KIAA2012: variants seen among roughly 807,000 people sequenced by gnomAD.
KIAA2012 encodes the protein uncharacterized protein KIAA2012.
KIAA2012 carries 125 observed loss-of-function variants against 150.6 expected under a neutral mutation model. The ratio of observed to expected loss-of-function variants is 0.83; its 90% CI spans 0.72 to 0.96. The LOEUF is 0.96. Among genes scored for constraint, KIAA2012 ranks in the 40% least tolerant of loss-of-function variants. The pLI is 0.00. For synonymous variants in KIAA2012, 462 were observed against 504.7 expected, an observed-to-expected ratio of 0.92 and a Z score of 1.13; for missense variants, 1,219 against 1,354.9, an observed-to-expected ratio of 0.90 and a Z score of 1.57.
At chr2:202,137,190 A>G (rs1170797915) in intron 12 of KIAA2012, 1 of 152,248 alleles carries the variant, frequency 6.6e-6, no homozygotes, top group Non-Finnish European at 1.5e-5. Context: ...TATGAGTATC[A>G]AGTATGGAAA....
In KIAA2012 at chr2:202,104,945, G is replaced by A. The variant is rs1209179890; in HGVS notation, c.1325-816G>A. Reference sequence around the variant, plus strand: ...GTGAGGAAAACCACCAGGCCATCATGAACCAGATTCTTAAAGCCAGATGCA... The same window carrying A: ...GTGAGGAAAACCACCAGGCCATCATAAACCAGATTCTTAAAGCCAGATGCA... On this transcript the variant is annotated intron_variant, in intron 8 of 23. Coordinates refer to ENST00000498697, the MANE Select transcript of KIAA2012 (RefSeq NM_001277372.4). The surrounding 1 kb of genome is among the most constrained non-coding windows in gnomAD (Gnocchi z 4.3). 6.6e-6 allele frequency among the ~76,000 whole-genome samples: 1 copy of A among 152,172 alleles called. No individual in the cohort carries two copies. Among genetic ancestry groups the A allele is most frequent in the Admixed American group, 6.5e-5 (1 of 15,276 alleles).
chr2:202,201,517 T>C lies in KIAA2012; in HGVS notation c.3408-912T>C, dbSNP rs878888055. 7.5e-6 allele frequency: 12 copies of C among 1,608,196 alleles called. No individual in the cohort carries two copies. The South Asian group carries it at 1.2e-4, about 16-fold the overall frequency. On this transcript the variant is annotated intron_variant, in intron 22 of 23. Transcript: ENST00000498697. ...CATCCAGGAGGTGGAGGAAGAATGT[T>C]GCCAGCAGTAGCCCCAGCTCCAAAT...
chr2:202,082,675 A>G (rs1217395803), intron 2 of KIAA2012, among the ~76,000 whole-genome samples: 1 of 151,880 alleles, frequency 6.6e-6, no homozygotes, highest in Non-Finnish European at 1.5e-5. Flanking sequence ...TTCTTTTGAT[A>G]TCATATTCAA....
At chr2:202,146,666 G>A (rs1691309311) in intron 13 of KIAA2012, among the ~76,000 whole-genome samples, 1 of 150,166 alleles carries the variant, frequency 6.7e-6, no homozygotes, top group Non-Finnish European at 1.5e-5. Flanking sequence ...AGGTGTGTTG[G>A]TGCATATCTG....
chr2:202,118,983 G>A (rs771793661), intron 11 of KIAA2012, among the ~76,000 whole-genome samples: 6 of 152,186 alleles, frequency 3.9e-5, no homozygotes, highest in East Asian at 3.9e-4. Context: ...TATGGCTTCC[G>A]AAGAAGAAAC....
At chr2:202,170,060 G>C (rs559621401) in intron 15 of KIAA2012, among the ~76,000 whole-genome samples, 2 of 152,106 alleles carry the variant, frequency 1.3e-5, no homozygotes, top group Non-Finnish European at 2.9e-5. Flanking sequence ...CCCCACTTCC[G>C]GGGAAGGCTG....
chr2:202,086,453 ATATT>A (rs1184620480), intron 2 of KIAA2012, among the ~76,000 whole-genome samples: 1 of 152,206 alleles, frequency 6.6e-6, no homozygotes, highest in African/African-American at 2.4e-5. Context: ...TACCCAACAA[ATATT>A]TATCATATGA....
At chr2:202,095,142 G>C (rs1689834271) in intron 4 of KIAA2012, among the ~76,000 whole-genome samples, 1 of 152,146 alleles carries the variant, frequency 6.6e-6, no homozygotes, top group Non-Finnish European at 1.5e-5. Flanking sequence ...CTTAGCTTGT[G>C]TTTTAAGCAT....
At chr2:202,159,635 G>A (rs1691607860) in intron 14 of KIAA2012, among the ~76,000 whole-genome samples, 1 of 152,200 alleles carries the variant, frequency 6.6e-6, no homozygotes. Flanking sequence ...ACCTCAGGTA[G>A]TTCGAGACCA....
At position 202,115,926 on chromosome 2, in the gene KIAA2012, G is replaced by T. The variant is rs970187704; in HGVS notation, c.1762+2480G>T. The T allele has an allele frequency of 2.9e-5, 4 of 138,018 alleles. No homozygotes were observed. In the East Asian group the frequency reaches 8.1e-4, roughly 28 times the overall value. 8.5% of individuals were successfully genotyped at this position (138,018 alleles called of 1,614,324 possible). A position where few individuals can be genotyped will look rare whatever the true frequency, so the allele number is the denominator to read the frequency against. Reference sequence around the variant, plus strand: ...AAACCTTCAGAAGGAAAAAAAAAAAGATGTGAAGACTAGAGCTGGAATTTG... The same window carrying T: ...AAACCTTCAGAAGGAAAAAAAAAAATATGTGAAGACTAGAGCTGGAATTTG... On this transcript the variant is annotated intron_variant, in intron 11 of 23. Coordinates refer to ENST00000498697, the MANE Select transcript of KIAA2012 (RefSeq NM_001277372.4).
At chr2:202,101,578 T>C (rs1056638884) in intron 7 of KIAA2012, among the ~76,000 whole-genome samples, 3 of 152,230 alleles carry the variant, frequency 2.0e-5, no homozygotes, top group African/African-American at 7.2e-5. Context: ...TAAAACTCTG[T>C]GTAAGTTTTT....
intron 12 of KIAA2012, among the ~76,000 whole-genome samples, chr2:202,131,628 A>G (rs1690930860): frequency 1.3e-5 from 2 of 152,266 alleles, no homozygotes; most frequent in Non-Finnish European, 2.9e-5. Flanking sequence ...AGACTGACTC[A>G]GCCTGGAGGT....
At chr2:202,080,317 T>C (rs1689419344) in intron 2 of KIAA2012, among the ~76,000 whole-genome samples, 1 of 152,240 alleles carries the variant, frequency 6.6e-6, no homozygotes, top group African/African-American at 2.4e-5. Flanking sequence ...ATAAGCTATA[T>C]ATATGATCCA....
rs954137149 is a variant in KIAA2012 at position 202,088,045 on chromosome 2, T to C, written c.370-2725T>C. Among the ~76,000 whole-genome samples, 13 of 151,982 alleles carry C rather than the reference T, an allele frequency of 8.6e-5. 1 individual carries two copies. Among genetic ancestry groups the C allele is most frequent in the East Asian group, 1.9e-4 (1 of 5,184 alleles). On this transcript the variant is annotated intron_variant, in intron 2 of 23. Transcript: ENST00000498697. ...AACTATTTATACCGCATTTACATTG[T>C]ATTCAGTATTATAAGTTGCTAGAAA...
intron 13 of KIAA2012, among the ~76,000 whole-genome samples, chr2:202,142,408 C>T (rs1691212504): frequency 6.6e-6 from 1 of 152,158 alleles, no homozygotes; most frequent in South Asian, 2.1e-4. Context: ...AGAAAAAAGT[C>T]AGTGAAGATG....
At chr2:202,196,676 A>G in intron 21 of KIAA2012, 124 bp from the exon 22 acceptor site, 2 of 1,255,070 alleles carry the variant, frequency 1.6e-6, no homozygotes, top group South Asian at 1.6e-5. Flanking sequence ...GCAGCCTGCT[A>G]GCAGGTCAAC....
At chr2:202,193,758 G>A (rs917657517) in intron 20 of KIAA2012, among the ~76,000 whole-genome samples, 1 of 152,162 alleles carries the variant, frequency 6.6e-6, no homozygotes, top group African/African-American at 2.4e-5. Flanking sequence ...CCATGTGAGG[G>A]TTACTCACAT....
At chr2:202,116,506 G>T (rs1290951407) in intron 11 of KIAA2012, 2 of 111,778 alleles carry the variant, frequency 1.8e-5, no homozygotes, top group African/African-American at 7.1e-5. Context: ...GGGTCTCCCT[G>T]TGTTGCCCAG....
chr2:202,085,139 C>T (rs1689532260), intron 2 of KIAA2012, among the ~76,000 whole-genome samples: 2 of 152,112 alleles, frequency 1.3e-5, no homozygotes, highest in South Asian at 2.1e-4. Context: ...TGAGATGGGA[C>T]ATTATTAACC....
Sources: allele counts gnomAD v4.1 joint callset (sites outside exome capture counted in the v4.1 genomes callset), GRCh38; gene constraint gnomAD v4.1.1; non-coding constraint Gnocchi (gnomAD v3.1); transcripts MANE v1.5; gene names NCBI Gene and HGNC (gene_info 2026-07-23, HGNC 2026-07-21).